CCT3: variants seen among roughly 807,000 people sequenced by gnomAD.
The protein encoded by CCT3 is chaperonin containing TCP1 subunit 3.
CCT3 carries 10 observed loss-of-function variants against 65.3 expected under a neutral mutation model. That is an observed-to-expected ratio of 0.15 (90% confidence interval 0.09 to 0.26). The LOEUF (loss-of-function observed/expected upper bound fraction) is 0.26, where lower values mean the gene tolerates loss of function less well. Ranked by LOEUF, CCT3 falls within the 10% of genes least tolerant of loss-of-function variation. The pLI, the probability that CCT3 is intolerant of heterozygous loss-of-function variation, is 1.00. For missense variants in CCT3, 626 were observed against 708.7 expected (o/e 0.88, Z 1.33); for synonymous variants, 225 against 242.3 (o/e 0.93, Z 0.66).
chr1:156,317,175 C>G lies in CCT3; in HGVS notation c.965G>C (p.Arg322Pro). The G allele has an allele frequency of 6.2e-7, 1 of 1,613,974 alleles. No homozygotes were observed. Among genetic ancestry groups the G allele is most frequent in the Non-Finnish European group, 8.5e-7 (1 of 1,179,840 alleles). ...TACCTGGCCTACTCACCTAGCAATG[C>G]GATTATTGTCTGTCTTCCGGACTCT... is the stretch of plus-strand genomic sequence containing the variant. ...IRRVRKTDNN[R>P]IARACGARIV... The change falls in exon 10 of 14, where the codon CGC becomes CCC. Residue 322 changes from arginine to proline, a missense_variant. Arg to Pro is a moderately radical substitution (Grantham distance 103). Coordinates refer to ENST00000295688, the MANE Select transcript of CCT3 (RefSeq NM_005998.5).
chr1:156,328,872 AAAAAAT>A (rs1558272042), intron 5 of CCT3, among the ~76,000 whole-genome samples: 1 of 151,340 alleles, frequency 6.6e-6, no homozygotes, highest in African/African-American at 2.5e-5. Context: ...AAATAAAAAA[AAAAAAT>A]GTACATGTTA....
At position 156,332,848 on chromosome 1, in the gene CCT3, T is replaced by C. The variant is rs1034463779; in HGVS notation, c.304+699A>G. 3.9e-5 allele frequency: 6 copies of C among 152,496 alleles called. No homozygotes were observed. In the East Asian group the frequency reaches 9.6e-4, roughly 24 times the overall value. The allele number at this position is 152,496 out of a possible 1,614,324, so 9.4% of individuals were successfully genotyped here. On this transcript the variant is annotated intron_variant, in intron 5 of 13. Transcript: ENST00000295688. ...CTATGGGCTATGAGTTCAATGCTAA[T>C]AAATCAACTATATATATTAAATGGG... is the stretch of plus-strand genomic sequence containing the variant.
At chr1:156,328,829 C>T (rs1194214470) in intron 5 of CCT3, among the ~76,000 whole-genome samples, 5 of 150,426 alleles carry the variant, frequency 3.3e-5, no homozygotes, top group South Asian at 4.2e-4. Flanking sequence ...TCCCCCTCTG[C>T]GAGAAACACC....
In CCT3 at chr1:156,310,618, C is replaced by T. The variant is rs750256353; in HGVS notation, c.1473G>A (p.Lys491=). 5.6e-6 allele frequency: 9 copies of T among 1,613,934 alleles called. No individual in the cohort carries two copies. The East Asian group carries it at 8.9e-5, about 16-fold the overall frequency. ...NGETGTLVDM[K]ELGIWEPLAV... ...CCAATGGCTCCCATATGCCCAGTTCCTTCATGTCCACCAAAGTACCCGTCT... is the reference window on the plus strand; with the variant it reads ...CCAATGGCTCCCATATGCCCAGTTCTTTCATGTCCACCAAAGTACCCGTCT... Residue 491 remains lysine, a synonymous_variant, in exon 13 of 14, where the codon AAG becomes AAA. Coordinates refer to ENST00000295688, the MANE Select transcript of CCT3 (RefSeq NM_005998.5).
chr1:156,327,481 CG>C (rs990641833), intron 5 of CCT3, among the ~76,000 whole-genome samples: 10 of 152,146 alleles, frequency 6.6e-5, no homozygotes, highest in Non-Finnish European at 1.3e-4. Flanking sequence ...TTGGTGGAGA[CG>C]GGGTTTCGCT....
At chr1:156,326,907 G>A (rs1421079984) in intron 5 of CCT3, among the ~76,000 whole-genome samples, 1 of 152,128 alleles carries the variant, frequency 6.6e-6, no homozygotes, top group Non-Finnish European at 1.5e-5. Context: ...TTAGCCAGGT[G>A]TGTTGGTGGG....
intron 10 of CCT3, among the ~76,000 whole-genome samples, chr1:156,314,353 T>G (rs1049895584): frequency 9.9e-5 from 15 of 152,084 alleles, no homozygotes; most frequent in Non-Finnish European, 1.2e-4. Flanking sequence ...ATAGCGGTGG[T>G]GAAGGGTTTC....
In CCT3 at chr1:156,309,394, G is replaced by C. The variant is rs776202179; in HGVS notation, c.1534-91C>G. On this transcript the variant is annotated intron_variant, in intron 13 of 13. Coordinates refer to ENST00000295688, the MANE Select transcript of CCT3 (RefSeq NM_005998.5). ...GATCTATCACCTAGATGCTACTATG[G>C]AACTGCCATTTTGTCTGAAATCTAC... The C allele has an allele frequency of 3.1e-5, 26 of 839,212 alleles. 1 individual carries two copies. The highest frequency in any genetic ancestry group is 4.4e-4 in the Middle Eastern group (2 of 4,522). 52.0% of individuals were successfully genotyped at this position (839,212 alleles called of 1,614,324 possible). A position where few individuals can be genotyped will look rare whatever the true frequency, so the allele number is the denominator to read the frequency against.
intron 1 of CCT3, chr1:156,337,878 G>A (rs1480635768): frequency 1.9e-6 from 1 of 522,346 alleles, no homozygotes; most frequent in African/African-American, 1.9e-5. Context: ...GAAGCGTGGG[G>A]GCTGAGGGAC....
intron 8 of CCT3, 127 bp downstream of exon 8, chr1:156,318,741 T>C (rs899729997): frequency 3.8e-6 from 3 of 784,214 alleles, no homozygotes; most frequent in Admixed American, 3.2e-5. Flanking sequence ...TTCTAAAGGA[T>C]TGTTCTAAGA....
intron 5 of CCT3, among the ~76,000 whole-genome samples, chr1:156,330,056 C>T (rs12029695): frequency 0.24 from 36,632 of 151,954 alleles, 4,930 homozygotes; most frequent in Non-Finnish European, 0.29. Flanking sequence ...TTCTTTTTCA[C>T]ATTCTTAAAT....
At chr1:156,312,666 C>T (rs1288320094) in intron 10 of CCT3, among the ~76,000 whole-genome samples, 1 of 144,874 alleles carries the variant, frequency 6.9e-6, no homozygotes, top group African/African-American at 2.5e-5. Flanking sequence ...TAAAAAAAAA[C>T]AAACACAAAA....
At chr1:156,313,324 G>A (rs1013099371) in intron 10 of CCT3, among the ~76,000 whole-genome samples, 2 of 118,694 alleles carry the variant, frequency 1.7e-5, no homozygotes, top group Non-Finnish European at 3.3e-5. Context: ...GGGTGACAGA[G>A]TAAGATTCTG....
chr1:156,335,273 T>C, intron 2 of CCT3: 1 of 212,230 alleles, frequency 4.7e-6, no homozygotes, highest in East Asian at 1.1e-4. Flanking sequence ...GTTGTTTTTC[T>C]CCCCTTGGGA....
chr1:156,331,817 T>C (rs557482551), intron 5 of CCT3, among the ~76,000 whole-genome samples: 105 of 151,762 alleles, frequency 6.9e-4, no homozygotes, highest in African/African-American at 2.3e-3. Context: ...GCAGATCACC[T>C]GAGGTCGGGA....
intron 1 of CCT3, chr1:156,337,361 T>C (rs1243325340): frequency 4.6e-6 from 1 of 215,334 alleles, no homozygotes; most frequent in Admixed American, 5.6e-5. Context: ...TGAACAGAGA[T>C]CGCGCCACTG....
Position 156,333,471 on chromosome 1 carries a change from A to G in CCT3, c.304+76T>C, listed in dbSNP as rs1665199295. 5.8e-6 allele frequency: 6 copies of G among 1,031,100 alleles called. No homozygotes were observed. The South Asian group carries it at 7.8e-5, about 13-fold the overall frequency. 63.9% of individuals were successfully genotyped at this position (1,031,100 alleles called of 1,614,324 possible). A position where few individuals can be genotyped will look rare whatever the true frequency, so the allele number is the denominator to read the frequency against. On this transcript the variant is annotated intron_variant, in intron 5 of 13. Transcript: ENST00000295688. The stretch of plus-strand genomic sequence containing the variant: ...AATATCTGTAATTAGTGGATCTGTA[A>G]CAGAATTTCCTTCTTAAAATATGAC...
At position 156,310,459 on chromosome 1, in the gene CCT3, A is replaced by G. The variant is rs977293873; in HGVS notation, c.1533+99T>C. The G allele has an allele frequency of 2.0e-5, 18 of 879,074 alleles. No homozygotes were observed. In the African/African-American group the frequency reaches 3.1e-4, roughly 15 times the overall value. 54.5% of individuals were successfully genotyped at this position (879,074 alleles called of 1,614,324 possible). ...CAGTGAGCCGAGATCACACCACTGC[A>G]CTCCAGCCTGGGTGACTGAGACTGC... On this transcript the variant is annotated intron_variant, in intron 13 of 13. Coordinates refer to ENST00000295688, the MANE Select transcript of CCT3 (RefSeq NM_005998.5).
chr1:156,334,139 T>C (rs973536985), intron 4 of CCT3, among the ~76,000 whole-genome samples: 1 of 150,904 alleles, frequency 6.6e-6, no homozygotes, highest in Non-Finnish European at 1.5e-5. Flanking sequence ...ATCAGGAGGC[T>C]GAGGCAGAAG....
Sources: gnomAD v4.1 joint callset for allele counts (sites outside exome capture counted in the v4.1 genomes callset) on GRCh38, gnomAD v4.1.1 for gene constraint, MANE v1.5 for transcripts, NCBI Gene and HGNC (gene_info 2026-07-23, HGNC 2026-07-21) for gene names.